The following UBE2K variants were observed in gnomAD, a reference collection of about 807,000 sequenced individuals.
The protein encoded by UBE2K is ubiquitin-conjugating enzyme E2 K.
UBE2K carries 6 observed loss-of-function variants against 30.0 expected under a neutral mutation model. The ratio of observed to expected loss-of-function variants is 0.20; its 90% CI spans 0.11 to 0.39. The LOEUF (loss-of-function observed/expected upper bound fraction) is 0.39. Among genes scored for constraint, UBE2K ranks in the 10% least tolerant of loss-of-function variants. The probability of loss-of-function intolerance (pLI) is 1.00; values close to 1 mark genes in which losing one functional copy is unlikely to be tolerated. For missense variants in UBE2K, 61 were observed against 241.6 expected, an observed-to-expected ratio of 0.25 and a Z score of 4.96; for synonymous variants, 86 against 83.7, an observed-to-expected ratio of 1.03 and a Z score of -0.15.
At chr4:39,770,848 C>T (rs1008489347) in intron 4 of UBE2K, 2 of 1,539,882 alleles carry the variant, frequency 1.3e-6, no homozygotes, top group South Asian at 1.3e-5. Flanking sequence ...TCCTCATCCT[C>T]TTCCTCGGCT....
chr4:39,764,582 AC>A lies in UBE2K; in HGVS notation c.299+8845del, dbSNP rs1712190810. On this transcript the variant is annotated intron_variant, in intron 4 of 6. Coordinates refer to ENST00000261427, the MANE Select transcript of UBE2K (RefSeq NM_005339.5). ...CCACCTCAGCTTATCACAGGTGCACACCACCATGCCTGGCTAATTTTTTAAA... is the reference window on the plus strand; with the variant it reads ...CCACCTCAGCTTATCACAGGTGCACACACCATGCCTGGCTAATTTTTTAAA... Among the ~76,000 whole-genome samples, 3 of 151,974 alleles carry A rather than the reference AC, an allele frequency of 2.0e-5. No individual in the cohort carries two copies. In the South Asian group the frequency reaches 6.3e-4, roughly 32 times the overall value.
intron 4 of UBE2K, chr4:39,770,167 G>A (rs957764416): frequency 7.5e-6 from 12 of 1,607,022 alleles, no homozygotes; most frequent in Admixed American, 5.0e-5. Context: ...TTGAGATGCC[G>A]CCTAATGGCA....
At chr4:39,762,122 T>TGAGCCGAGATCGCCTCACTGCACTGCAGC (rs1711989173) in intron 4 of UBE2K, among the ~76,000 whole-genome samples, 1 of 151,816 alleles carries the variant, frequency 6.6e-6, no homozygotes, top group Non-Finnish European at 1.5e-5. Flanking sequence ...GAGGTTGCAG[T>TGAGCCGAGATCGCCTCACTGCACTGCAGC]GAGCCGAGAT....
chr4:39,735,993 GAA>G (rs1720356502), intron 1 of UBE2K, among the ~76,000 whole-genome samples: 1 of 133,850 alleles, frequency 7.5e-6, no homozygotes, highest in Non-Finnish European at 1.5e-5. Flanking sequence ...ATTTAACATA[GAA>G]AAAGAGTAAA....
intron 1 of UBE2K, among the ~76,000 whole-genome samples, chr4:39,732,203 A>G (rs937434368): frequency 2.0e-5 from 3 of 152,184 alleles, no homozygotes; most frequent in African/African-American, 7.2e-5. Flanking sequence ...CCTATGAGGA[A>G]CTATCTTATC....
chr4:39,781,378 CTA>C lies in UBE2K; in HGVS notation c.*2946_*2947del, dbSNP rs1169347050. 2.0e-5 allele frequency: 3 copies of C among 151,852 alleles called. No homozygotes were observed. The highest frequency in any genetic ancestry group is 2.9e-5 in the Non-Finnish European group (2 of 67,914). 9.4% of individuals were successfully genotyped at this position (151,852 alleles called of 1,614,324 possible). ...CATTTATGATTGTTGGCACATAAAA[CTA>C]TGCAAAATAATTCTTTTTAAGTATC... On this transcript the variant is annotated 3_prime_UTR_variant, in exon 7 of 7. Coordinates refer to ENST00000261427, the MANE Select transcript of UBE2K (RefSeq NM_005339.5).
intron 4 of UBE2K, among the ~76,000 whole-genome samples, chr4:39,773,876 G>A (rs994358894): frequency 1.3e-5 from 2 of 151,922 alleles, no homozygotes; most frequent in Admixed American, 6.6e-5. Context: ...AGCCGAGATC[G>A]CGCCACTGCA....
At chr4:39,716,540 C>T (rs1261279774) in intron 1 of UBE2K, among the ~76,000 whole-genome samples, 2 of 152,168 alleles carry the variant, frequency 1.3e-5, no homozygotes, top group African/African-American at 2.4e-5. Context: ...TGAGCCGCTG[C>T]GCCCAGCCCA....
At chr4:39,775,768 A>G (rs1283552560) in intron 5 of UBE2K, among the ~76,000 whole-genome samples, 2 of 152,172 alleles carry the variant, frequency 1.3e-5, no homozygotes, top group Non-Finnish European at 2.9e-5. Context: ...CAAATTTGCC[A>G]ACACCTACTC....
At chr4:39,771,035 CTTTGAGGCCTAT>C in intron 4 of UBE2K, 1 of 1,612,352 alleles carries the variant, frequency 6.2e-7, no homozygotes, top group Non-Finnish European at 8.5e-7. Flanking sequence ...ACCCCATCCT[CTTTGAGGCCTAT>C]TTTGGGCTCA....
chr4:39,750,735 T>TA (rs1446406334), intron 3 of UBE2K, among the ~76,000 whole-genome samples: 1 of 143,078 alleles, frequency 7.0e-6, no homozygotes, highest in East Asian at 2.1e-4. Flanking sequence ...TTTTTTTTTT[T>TA]ACAAAATTTT....
chr4:39,755,836 T>C (rs1183470124), intron 4 of UBE2K, 97 bp downstream of exon 4: 8 of 861,508 alleles, frequency 9.3e-6, no homozygotes, highest in Non-Finnish European at 1.4e-5. Flanking sequence ...ATATTATACT[T>C]TATCTTGTTT....
rs987905507 is a variant in UBE2K at position 39,698,193 on chromosome 4, G to T, written c.-135G>T. The T allele has an allele frequency of 5.8e-6, 5 of 859,524 alleles. No individual in the cohort carries two copies. Among genetic ancestry groups the T allele is most frequent in the Non-Finnish European group, 9.6e-6 (5 of 520,430 alleles). 53.2% of individuals were successfully genotyped at this position (859,524 alleles called of 1,614,324 possible). On this transcript the variant is annotated 5_prime_UTR_variant, in exon 1 of 7. Transcript: ENST00000261427. ...CACACTGAGGCGAGCGCGGCGGCCG[G>T]GGTGGTAGTGGCAGTGTTCGTGTGC...
intron 4 of UBE2K, chr4:39,771,506 C>A (rs160096): frequency 3.6e-5 from 52 of 1,437,432 alleles, no homozygotes; most frequent in Non-Finnish European, 4.4e-5. Flanking sequence ...TTTTCCCCAC[C>A]CCCGCGGGGC....
intron 1 of UBE2K, among the ~76,000 whole-genome samples, chr4:39,707,928 C>G (rs1718457970): frequency 6.6e-6 from 1 of 151,290 alleles, no homozygotes; most frequent in Non-Finnish European, 1.5e-5. Flanking sequence ...GACAGTTTTG[C>G]TCTTGTTGCC....
intron 4 of UBE2K, chr4:39,769,954 C>CAT: frequency 1.5e-6 from 1 of 651,684 alleles, no homozygotes; most frequent in Non-Finnish European, 2.6e-6. Flanking sequence ...AGGATGTGTG[C>CAT]ATCTGCTCAG....
rs184721700 is a variant in UBE2K at position 39,758,657 on chromosome 4, G to A, written c.299+2918G>A. Among the ~76,000 whole-genome samples, 927 of 151,874 alleles carry A rather than the reference G, an allele frequency of 6.1e-3. 7 individuals are homozygous for A. The highest frequency in any genetic ancestry group is 0.014 in the Middle Eastern group (4 of 294). ...CATGCCATTGCACTCTAGCCTGGGC[G>A]ACGGAGTGAGACCCCATCTCAAAAA... is the stretch of plus-strand genomic sequence containing the variant. On this transcript the variant is annotated intron_variant, in intron 4 of 6. Coordinates refer to ENST00000261427, the MANE Select transcript of UBE2K (RefSeq NM_005339.5).
chr4:39,754,001 C>T (rs1191108364), intron 3 of UBE2K, among the ~76,000 whole-genome samples: 4 of 152,088 alleles, frequency 2.6e-5, no homozygotes, highest in African/African-American at 9.7e-5. Flanking sequence ...CAGACTCCAG[C>T]CTGAGCGACA....
intron 3 of UBE2K, among the ~76,000 whole-genome samples, chr4:39,748,233 C>CT: frequency 6.6e-6 from 1 of 151,836 alleles, no homozygotes; most frequent in African/African-American, 2.4e-5. Flanking sequence ...CTCATCCCCA[C>CT]TTTTTTTTAG....
Sources: allele counts gnomAD v4.1 joint callset (sites outside exome capture counted in the v4.1 genomes callset), GRCh38; gene constraint gnomAD v4.1.1; transcripts MANE v1.5; gene names NCBI Gene and HGNC (gene_info 2026-07-23, HGNC 2026-07-21).